Variants in CSMD1 observed in about 807,000 individuals in gnomAD.
The protein encoded by CSMD1 is CUB and Sushi multiple domains 1.
Under a neutral mutation model 417.5 loss-of-function variants are expected in CSMD1, and 213 were observed. The observed-to-expected ratio is 0.51, with a 90% CI of 0.46 to 0.57. The LOEUF (loss-of-function observed/expected upper bound fraction) is 0.57, where lower values mean the gene tolerates loss of function less well. CSMD1 is among the 20% of genes least tolerant of loss of function. CSMD1 has a pLI of 0.00. For missense variants in CSMD1, 6,923 were observed against 4,529.7 expected, an observed-to-expected ratio of 1.53 and a Z score of -15.17; for synonymous variants, 2,862 against 1,736.8, an observed-to-expected ratio of 1.65 and a Z score of -16.11.
rs189400813 is a variant in CSMD1 at position 3,712,680 on chromosome 8, C to G, written c.932-4189G>C. On this transcript the variant is annotated intron_variant, in intron 6 of 69. Transcript: ENST00000635120. ...TGAGCTTGGTTTAGCTTTGTTAGTC[C>G]AGTTATCTAGTTTTCATATGAGTTT... 1.1e-4 allele frequency among the ~76,000 whole-genome samples: 16 copies of G among 152,248 alleles called. No individual in the cohort carries two copies. In the East Asian group the frequency reaches 3.1e-3, roughly 29 times the overall value.
In CSMD1 at chr8:3,407,751, A is replaced by G. The variant is rs1002338224; in HGVS notation, c.2071+148T>C. On this transcript the variant is annotated intron_variant, in intron 14 of 69. Transcript: ENST00000635120. ...TTTGTTTTTAAGTTTTCAGGATAAC[A>G]CTATAATTTTACTACTGTCATTTTC... 9.5e-6 allele frequency: 7 copies of G among 738,134 alleles called. No homozygotes were observed. The African/African-American group carries it at 1.1e-4, about 11-fold the overall frequency. The allele number at this position is 738,134 out of a possible 1,614,324, so 45.7% of individuals were successfully genotyped here. A position where few individuals can be genotyped will look rare whatever the true frequency, so the allele number is the denominator to read the frequency against.
At chr8:3,428,415 C>A (rs1443868996) in intron 12 of CSMD1, among the ~76,000 whole-genome samples, 1 of 152,066 alleles carries the variant, frequency 6.6e-6, no homozygotes, top group Non-Finnish European at 1.5e-5. Context: ...AAAGAAATGG[C>A]ACGAGAAACG....
At chr8:4,133,895 G>A (rs993529204) in intron 3 of CSMD1, among the ~76,000 whole-genome samples, 2 of 152,132 alleles carry the variant, frequency 1.3e-5, no homozygotes, top group African/African-American at 4.8e-5. Flanking sequence ...AAGAAATCTT[G>A]TAAACATAGT....
At chr8:3,450,359 G>T (rs1472923495) in intron 12 of CSMD1, among the ~76,000 whole-genome samples, 2 of 151,340 alleles carry the variant, frequency 1.3e-5, no homozygotes, top group Middle Eastern at 3.2e-3. Context: ...TGTTCACAAC[G>T]TGCAGGTTTG....
chr8:3,790,798 T>C (rs2720811), intron 5 of CSMD1, among the ~76,000 whole-genome samples: 47,173 of 151,918 alleles, frequency 0.31, 7,685 homozygotes, highest in East Asian at 0.51. Context: ...TTTTGCAACA[T>C]TGAGGTCGAT....
intron 1 of CSMD1, among the ~76,000 whole-genome samples, chr8:4,761,836 C>CATCCATCCATCTATCTATCT (rs1554472546): frequency 8.4e-6 from 1 of 119,122 alleles, no homozygotes; most frequent in African/African-American, 3.6e-5. Context: ...TAGTACCATG[C>CATCCATCCATCTATCTATCT]ATCTATCTAT....
chr8:4,847,425 G>C (rs1801204759), intron 1 of CSMD1, among the ~76,000 whole-genome samples: 1 of 151,834 alleles, frequency 6.6e-6, no homozygotes. Context: ...AAACACTTTT[G>C]GATTTACAGA....
chr8:4,916,741 T>C (rs1198135180), intron 1 of CSMD1, among the ~76,000 whole-genome samples: 1 of 152,220 alleles, frequency 6.6e-6, no homozygotes, highest in African/African-American at 2.4e-5. Context: ...AAAGAATAAA[T>C]AGGTATCAAG....
At chr8:3,090,316 CAAAA>C (rs35534326) in intron 48 of CSMD1, among the ~76,000 whole-genome samples, 3 of 79,812 alleles carry the variant, frequency 3.8e-5, no homozygotes, top group African/African-American at 1.4e-4. Context: ...GACTGTATTT[CAAAA>C]AAAAAAAAAA....
Position 3,011,650 on chromosome 8 carries a change from A to C in CSMD1, c.8029+6827T>G, listed in dbSNP as rs116426065. Among the ~76,000 whole-genome samples the C allele has an allele frequency of 8.2e-3, 1,250 of 152,320 alleles. 26 individuals are homozygous for C. Among genetic ancestry groups the C allele is most frequent in the African/African-American group, 0.029 (1,187 of 41,566 alleles). Reference sequence around the variant, plus strand: ...GCAAAACAATCTAATAAAAAATGATAATGTCCTCTATGTGGGAAATAACTC... The same window carrying C: ...GCAAAACAATCTAATAAAAAATGATCATGTCCTCTATGTGGGAAATAACTC... On this transcript the variant is annotated intron_variant, in intron 52 of 69. Transcript: ENST00000635120.
intron 6 of CSMD1, among the ~76,000 whole-genome samples, chr8:3,736,951 C>T (rs1283486543): frequency 5.9e-5 from 9 of 152,178 alleles, no homozygotes; most frequent in Admixed American, 5.2e-4. Flanking sequence ...TCTCCCTGAG[C>T]CCTCTCCCCT....
At chr8:4,221,816 A>G (rs1243984341) in intron 3 of CSMD1, among the ~76,000 whole-genome samples, 1 of 152,138 alleles carries the variant, frequency 6.6e-6, no homozygotes. Context: ...TCCTTTTCCT[A>G]CTTGGCTCTG....
In CSMD1 at chr8:3,468,784, T is replaced by C; in HGVS notation, c.1489A>G (p.Ser497Gly). The change falls in exon 12 of 70, where the codon AGC becomes GGC. Residue 497 changes from serine (S) to glycine (G), a missense_variant. Physicochemically the swap from Ser to Gly is moderately conservative, Grantham distance 56 (BLOSUM62 0). Coordinates refer to ENST00000635120, the MANE Select transcript of CSMD1 (RefSeq NM_033225.6). Reference sequence around the variant, plus strand: ...TGCAGATGTAGCCACATCTGGTTGCTCATGCTCACAATGAGGTCAGGAACA... The same window carrying C: ...TGCAGATGTAGCCACATCTGGTTGCCCATGCTCACAATGAGGTCAGGAACA... ...SSVPDLIVSM[S>G]NQMWLHLQSD... 6.2e-7 allele frequency: 1 copy of C among 1,605,116 alleles called. No homozygotes were observed. Among genetic ancestry groups the C allele is most frequent in the Non-Finnish European group, 8.5e-7 (1 of 1,175,950 alleles).
chr8:3,553,544 G>A (rs905623204), intron 10 of CSMD1, among the ~76,000 whole-genome samples: 1 of 152,152 alleles, frequency 6.6e-6, no homozygotes, highest in African/African-American at 2.4e-5. Flanking sequence ...CCGTGGCACA[G>A]ACTTGGAATA....
At position 2,980,331 on chromosome 8, in the gene CSMD1, CTCCTCCTCCTCCATT is replaced by C. The variant is rs746297569; in HGVS notation, c.8378-1546_8378-1532del. ...GCCACCATTTCTCCTCCTCCTCCTC[CTCCTCCTCCTCCATT>C]TCCTCCTCCACCTCTGTGTCCTTTC... On this transcript the variant is annotated intron_variant, in intron 54 of 69. Transcript: ENST00000635120. Among the ~76,000 whole-genome samples the C allele has an allele frequency of 6.6e-5, 10 of 151,798 alleles. 1 individual carries two copies. The highest frequency in any genetic ancestry group is 1.2e-4 in the Non-Finnish European group (8 of 67,926).
intron 2 of CSMD1, among the ~76,000 whole-genome samples, chr8:4,528,831 T>G (rs561153628): frequency 6.6e-6 from 1 of 151,894 alleles, no homozygotes; most frequent in Non-Finnish European, 1.5e-5. Flanking sequence ...CCATGAAAAC[T>G]TCTGTCTTTT....
At chr8:3,998,139 T>A in intron 4 of CSMD1, 29 bp from the exon 5 acceptor site, 1 of 1,536,458 alleles carries the variant, frequency 6.5e-7, no homozygotes, top group Non-Finnish European at 8.8e-7. Context: ...AAAGAAAGCA[T>A]CACATTTCAG....
intron 11 of CSMD1, among the ~76,000 whole-genome samples, chr8:3,470,430 G>C (rs1296598834): frequency 2.6e-5 from 4 of 152,110 alleles, no homozygotes; most frequent in African/African-American, 4.8e-5. Flanking sequence ...TATTTACCTA[G>C]TTTCCCCGAG....
Position 3,569,489 on chromosome 8 carries a change from C to T in CSMD1, c.1344+5456G>A, listed in dbSNP as rs116947919. 3.7e-3 allele frequency among the ~76,000 whole-genome samples: 565 copies of T among 152,178 alleles called. 1 individual carries two copies. Among genetic ancestry groups the T allele is most frequent in the Middle Eastern group, 0.01 (3 of 294 alleles). On this transcript the variant is annotated intron_variant, in intron 10 of 69. Coordinates refer to ENST00000635120, the MANE Select transcript of CSMD1 (RefSeq NM_033225.6). The stretch of plus-strand genomic sequence containing the variant: ...TTTGTATTGACTAAGAGAGAATTGG[C>T]GTCGGAAACTGCTTTTCTGTCCTAT...
Sources: allele counts gnomAD v4.1 joint callset (sites outside exome capture counted in the v4.1 genomes callset), GRCh38; gene constraint gnomAD v4.1.1; transcripts MANE v1.5; gene names NCBI Gene and HGNC (gene_info 2026-07-23, HGNC 2026-07-21).